The following ZNF18 variants were observed in gnomAD, a reference collection of about 807,000 sequenced individuals.
The protein encoded by ZNF18 is zinc finger protein 18.
A neutral mutation model predicts 58.1 loss-of-function variants in ZNF18; 42 were observed. That is an observed-to-expected ratio of 0.72 (90% CI 0.56 to 0.93). ZNF18 has a LOEUF of 0.93. ZNF18 is among the 40% of genes least tolerant of loss of function. The pLI is 0.00. For missense variants in ZNF18, 540 were observed against 644.2 expected (o/e 0.84, Z 1.75); for synonymous variants, 231 against 239.8 (o/e 0.96, Z 0.34).
upstream of ZNF18, among the ~76,000 whole-genome samples, chr17:11,998,785 C>T (rs889119448): frequency 2.7e-5 from 4 of 148,804 alleles, no homozygotes; most frequent in African/African-American, 9.9e-5. Flanking sequence ...ATGTGTGAAA[C>T]TACTGTTTCA....
At chr17:11,996,463 A>C (rs1156461056) in intron 1 of ZNF18, among the ~76,000 whole-genome samples, 1 of 152,208 alleles carries the variant, frequency 6.6e-6, no homozygotes, top group Non-Finnish European at 1.5e-5. Flanking sequence ...TAAAATACTT[A>C]AATCTTTTGT....
At chr17:11,981,382 C>T (rs959885193) in intron 6 of ZNF18, among the ~76,000 whole-genome samples, 2 of 149,008 alleles carry the variant, frequency 1.3e-5, no homozygotes, top group East Asian at 2.0e-4. Context: ...TGCAATGGCG[C>T]GGTCTCGGCT....
chr17:12,016,624 C>T, the ZNF18 span, among the ~76,000 whole-genome samples: 1 of 152,036 alleles, frequency 6.6e-6, no homozygotes. Flanking sequence ...GCCACTGTGC[C>T]CAGTCCTTTT....
Position 11,992,819 on chromosome 17 carries a change from T to C in ZNF18, c.11A>G (p.Asp4Gly), listed in dbSNP as rs755941701. The C allele has an allele frequency of 7.4e-6, 12 of 1,611,744 alleles. No individual in the cohort carries two copies. The East Asian group carries it at 2.7e-4, about 36-fold the overall frequency. The change falls in exon 2 of 7, where the codon GAC (aspartate) becomes GGC (glycine). Residue 4 changes from aspartate to glycine, a missense_variant. Asp to Gly is a moderately conservative substitution (Grantham distance 94). Coordinates refer to ENST00000580306, the MANE Select transcript of ZNF18 (RefSeq NM_001303281.2). The part of the protein sequence containing the change: MPV[D>G]LGQALGLLPS... ...CAGCAGGCCTAGGGCCTGCCCCAAG[T>C]CAACGGGCATTGTCCAGCCTGGCAA... is the stretch of plus-strand genomic sequence containing the variant.
the ZNF18 span, among the ~76,000 whole-genome samples, chr17:12,009,374 T>C: frequency 1.9e-4 from 29 of 151,914 alleles, no homozygotes; most frequent in Admixed American, 1.1e-3. Context: ...TTTGGACCTC[T>C]AGAAAACAGG....
chr17:12,020,912 G>GCGGCGGCTC, the ZNF18 span: 8 of 1,217,202 alleles, frequency 6.6e-6, no homozygotes, highest in Non-Finnish European at 8.2e-6. Flanking sequence ...CCGAGCGGCG[G>GCGGCGGCTC]CGGCGGCTCC....
chr17:11,982,797 C>A (rs1177774634), intron 6 of ZNF18, among the ~76,000 whole-genome samples: 4 of 151,836 alleles, frequency 2.6e-5, no homozygotes, highest in Non-Finnish European at 5.9e-5. Context: ...AAGATTTCTT[C>A]TTCCCTAGTC....
rs1967141113 is a variant in ZNF18, at chr17:11,978,627, C to A, written c.980G>T (p.Gly327Val). 1 of 1,613,984 alleles carries A rather than the reference C, an allele frequency of 6.2e-7. No individual in the cohort carries two copies. Among genetic ancestry groups the A allele is most frequent in the Non-Finnish European group, 8.5e-7 (1 of 1,180,002 alleles). Reference sequence around the variant, plus strand: ...TCCTGGCTCATCCTCAGTGAAGAAGCCCCTCAAGGAAGCCTGAGAAGGAAC... The same window carrying A: ...TCCTGGCTCATCCTCAGTGAAGAAGACCCTCAAGGAAGCCTGAGAAGGAAC... ...GEVPSQASLR[G>V]FFTEDEPGCF... Residue 327 changes from glycine (G) to valine (V), a missense_variant, in exon 7 of 7, where the codon GGC becomes GTC. By Grantham distance (109) the Gly-to-Val change is moderately radical. Coordinates refer to ENST00000580306, the MANE Select transcript of ZNF18 (RefSeq NM_001303281.2).
At chr17:12,003,406 C>G in the ZNF18 span, among the ~76,000 whole-genome samples, 1 of 150,394 alleles carries the variant, frequency 6.6e-6, no homozygotes, top group Non-Finnish European at 1.5e-5. Context: ...TGCTACTGCA[C>G]TCCAGCCCGG....
chr17:11,998,051 TC>T (rs1482568834), upstream of ZNF18, among the ~76,000 whole-genome samples: 2 of 131,302 alleles, frequency 1.5e-5, no homozygotes, highest in Non-Finnish European at 3.4e-5. Flanking sequence ...TGCGTCTCTC[TC>T]TCTTCTCTCT....
rs1567607613 is a variant in ZNF18, at chr17:11,992,655, AGGTC to A, written c.171_174del (p.Glu57AspfsTer2). The A allele has an allele frequency of 1.9e-6, 3 of 1,614,256 alleles. No individual in the cohort carries two copies. The highest frequency in any genetic ancestry group is 2.5e-6 in the Non-Finnish European group (3 of 1,180,046). ...AAACAGAGCTTCCGAAGTTGCTTCA[AGGTC>A]TCATGAGGCCCAGACATCACCTGGT... On this transcript the variant is annotated frameshift_variant, in exon 2 of 7. Transcript: ENST00000580306. LOFTEE classifies it high-confidence loss of function.
chr17:12,004,304 G>C, the ZNF18 span, among the ~76,000 whole-genome samples: 1 of 151,802 alleles, frequency 6.6e-6, no homozygotes, highest in Non-Finnish European at 1.5e-5. Flanking sequence ...GTTAGTATGT[G>C]CAGGAATCAG....
intron 5 of ZNF18, among the ~76,000 whole-genome samples, chr17:11,983,777 C>T (rs1464703711): frequency 2.0e-5 from 3 of 152,160 alleles, no homozygotes; most frequent in South Asian, 2.1e-4. Flanking sequence ...ACTCAGCCCA[C>T]TTATGAGCTA....
chr17:11,992,904 C>A lies in ZNF18; in HGVS notation c.-75G>T. 1 of 1,484,040 alleles carries A rather than the reference C, an allele frequency of 6.7e-7. No homozygotes were observed. Among genetic ancestry groups the A allele is most frequent in the Non-Finnish European group, 9.0e-7 (1 of 1,112,664 alleles). The allele number at this position is 1,484,040 out of a possible 1,614,324, so 91.9% of individuals were successfully genotyped here. On this transcript the variant is annotated 5_prime_UTR_variant, in exon 2 of 7. Coordinates refer to ENST00000580306, the MANE Select transcript of ZNF18 (RefSeq NM_001303281.2). ...GTCTCCGGCAAGAACTAGGTCTTCACCAGGACACTAAAAAGGGAATGAGAT... is the reference window on the plus strand; with the variant it reads ...GTCTCCGGCAAGAACTAGGTCTTCAACAGGACACTAAAAAGGGAATGAGAT...
At chr17:12,011,281 TA>T in the ZNF18 span, 1 of 311,510 alleles carries the variant, frequency 3.2e-6, no homozygotes, top group Non-Finnish European at 6.0e-6. Context: ...AATGAAACTT[TA>T]AAAGAATATA....
the ZNF18 span, among the ~76,000 whole-genome samples, chr17:12,002,771 T>C: frequency 6.6e-6 from 1 of 152,110 alleles, no homozygotes; most frequent in Non-Finnish European, 1.5e-5. Flanking sequence ...TTACATGAGA[T>C]TGTTGTGGGC....
At chr17:11,989,281 C>T (rs1167968029) in intron 4 of ZNF18, among the ~76,000 whole-genome samples, 1 of 152,062 alleles carries the variant, frequency 6.6e-6, no homozygotes, top group African/African-American at 2.4e-5. Context: ...GCTATGACTG[C>T]ACAACTGCAC....
upstream of ZNF18, among the ~76,000 whole-genome samples, chr17:12,001,664 T>C (rs2151493239): frequency 6.6e-6 from 1 of 151,600 alleles, no homozygotes; most frequent in African/African-American, 2.4e-5. Flanking sequence ...AAACAAAGTA[T>C]ATTTCAAAAT....
chr17:12,005,237 T>G, the ZNF18 span, among the ~76,000 whole-genome samples: 1 of 151,554 alleles, frequency 6.6e-6, no homozygotes, highest in Non-Finnish European at 1.5e-5. Flanking sequence ...ATGAAGGAAA[T>G]TCAACAAAGT....
Sources: allele counts gnomAD v4.1 joint callset (sites outside exome capture counted in the v4.1 genomes callset), GRCh38; gene constraint gnomAD v4.1.1; transcripts MANE v1.5; gene names NCBI Gene and HGNC (gene_info 2026-07-23, HGNC 2026-07-21).